The following WLS variants were observed in gnomAD, a reference collection of about 807,000 sequenced individuals.
WLS encodes the protein Wnt ligand secretion mediator.
WLS carries 23 observed loss-of-function variants against 62.8 expected under a neutral mutation model. That is an observed-to-expected ratio of 0.37 (90% confidence interval 0.26 to 0.52). The LOEUF is 0.52. Among genes scored for constraint, WLS ranks in the 20% least tolerant of loss-of-function variants. The pLI, the probability that WLS is intolerant of heterozygous loss-of-function variation, is 0.92. For missense variants in WLS, 615 were observed against 697.3 expected (o/e 0.88, Z 1.33); for synonymous variants, 246 against 244.1 (o/e 1.01, Z -0.07).
chr1:68,110,007 T>TAAAAAAAAAAAAAAAAAAA (rs11290966), intron 11 of WLS, among the ~76,000 whole-genome samples: 14 of 28,398 alleles, frequency 4.9e-4, no homozygotes, highest in African/African-American at 9.7e-4. Context: ...ACACAAAAAG[T>TAAAAAAAAAAAAAAAAAAA]AAAAAAAAAA....
chr1:68,166,076 TG>T (rs938251553), intron 2 of WLS, among the ~76,000 whole-genome samples: 6 of 152,150 alleles, frequency 3.9e-5, no homozygotes, highest in Non-Finnish European at 8.8e-5. Context: ...AAATGAAAAT[TG>T]TGCACAGTAT....
At chr1:68,159,861 G>A (rs1646948560) in intron 2 of WLS, among the ~76,000 whole-genome samples, 2 of 152,162 alleles carry the variant, frequency 1.3e-5, no homozygotes, top group Non-Finnish European at 2.9e-5. Flanking sequence ...AAGGCAAAGT[G>A]TTTTTCCAAA....
chr1:68,133,754 C>T (rs887308486), intron 11 of WLS, among the ~76,000 whole-genome samples: 16 of 152,226 alleles, frequency 1.1e-4, no homozygotes, highest in South Asian at 2.1e-4. Flanking sequence ...GTGAAATGCT[C>T]AATGATTCCA....
chr1:68,185,379 T>A (rs1468729510), intron 2 of WLS, among the ~76,000 whole-genome samples: 3 of 152,160 alleles, frequency 2.0e-5, no homozygotes, highest in Admixed American at 2.0e-4. Flanking sequence ...AAAAGATTGA[T>A]AGGGTAAGGC....
chr1:68,224,237 C>T (rs1219303557), intron 1 of WLS, among the ~76,000 whole-genome samples: 1 of 152,040 alleles, frequency 6.6e-6, no homozygotes, highest in Non-Finnish European at 1.5e-5. Context: ...ACTTGAAGGC[C>T]CAGGATTTAA....
At chr1:68,107,150 T>C (rs574944405) in intron 11 of WLS, among the ~76,000 whole-genome samples, 5 of 152,350 alleles carry the variant, frequency 3.3e-5, no homozygotes, top group African/African-American at 9.6e-5. Flanking sequence ...ATGCATACTA[T>C]ATTTTTAGTC....
intron 2 of WLS, among the ~76,000 whole-genome samples, chr1:68,170,629 C>T (rs934660367): frequency 3.9e-5 from 6 of 152,148 alleles, no homozygotes; most frequent in African/African-American, 7.2e-5. Context: ...CATCCCCGCT[C>T]GTGCCAGACT....
At chr1:68,148,398 C>G (rs1015279100) in intron 7 of WLS, among the ~76,000 whole-genome samples, 165 bp downstream of exon 7, 14 of 152,182 alleles carry the variant, frequency 9.2e-5, no homozygotes, top group African/African-American at 3.1e-4. Flanking sequence ...AAGAGCTGTG[C>G]CTTTGATTTG....
intron 11 of WLS, among the ~76,000 whole-genome samples, chr1:68,130,328 A>G (rs2100394918): frequency 6.6e-6 from 1 of 152,276 alleles, no homozygotes; most frequent in African/African-American, 2.4e-5. Context: ...ACCACTACCA[A>G]TGCAAATTAA....
intron 11 of WLS, among the ~76,000 whole-genome samples, chr1:68,118,826 G>A (rs562975281): frequency 1.8e-4 from 22 of 125,596 alleles, no homozygotes; most frequent in South Asian, 5.3e-4. Context: ...GTAGTGAGCC[G>A]AGATCACGCC....
intron 11 of WLS, among the ~76,000 whole-genome samples, chr1:68,109,637 T>A (rs912126457): frequency 4.6e-5 from 7 of 152,182 alleles, no homozygotes; most frequent in African/African-American, 1.2e-4. Flanking sequence ...GAGGAAAGAA[T>A]TAGTGAAGTG....
chr1:68,182,478 C>G (rs1647643364), intron 2 of WLS, among the ~76,000 whole-genome samples: 1 of 152,226 alleles, frequency 6.6e-6, no homozygotes, highest in Non-Finnish European at 1.5e-5. Context: ...CTAATCTTCT[C>G]TATCCTGGGG....
intron 1 of WLS, among the ~76,000 whole-genome samples, chr1:68,206,564 C>T (rs1649288913): frequency 6.6e-6 from 1 of 152,164 alleles, no homozygotes; most frequent in African/African-American, 2.4e-5. Context: ...TATGGGCATT[C>T]TTCATATATA....
At chr1:68,199,559 T>C (rs1648884999) in intron 1 of WLS, among the ~76,000 whole-genome samples, 1 of 152,084 alleles carries the variant, frequency 6.6e-6, no homozygotes, top group East Asian at 1.9e-4. Flanking sequence ...TGCTTGAATA[T>C]TAAAAATTAA....
intron 2 of WLS, among the ~76,000 whole-genome samples, chr1:68,184,937 AC>A (rs1647826111): frequency 6.6e-6 from 1 of 152,174 alleles, no homozygotes; most frequent in Non-Finnish European, 1.5e-5. Flanking sequence ...GGAAAAACAA[AC>A]AAACAAGCAA....
intron 2 of WLS, among the ~76,000 whole-genome samples, chr1:68,193,436 A>T (rs966655255): frequency 7.6e-6 from 1 of 131,062 alleles, no homozygotes; most frequent in African/African-American, 3.0e-5. Flanking sequence ...AAAAAAAAAA[A>T]AAAAAACGAA....
chr1:68,168,599 T>C (rs1389699455), intron 2 of WLS, among the ~76,000 whole-genome samples: 1 of 152,214 alleles, frequency 6.6e-6, no homozygotes, highest in Non-Finnish European at 1.5e-5. Flanking sequence ...TTTATGGTTG[T>C]CAAAAGCTTT....
At chr1:68,193,432 A>AAAAAAAAAAAAAG in intron 2 of WLS, among the ~76,000 whole-genome samples, 1 of 141,134 alleles carries the variant, frequency 7.1e-6, no homozygotes, top group Non-Finnish European at 1.5e-5. Context: ...AAAAAAAAAA[A>AAAAAAAAAAAAAG]AAAAAAAAAA....
At chr1:68,211,678 A>C (rs1649522337) in intron 1 of WLS, among the ~76,000 whole-genome samples, 1 of 152,224 alleles carries the variant, frequency 6.6e-6, no homozygotes, top group South Asian at 2.1e-4. Flanking sequence ...TAAACTCACC[A>C]AAACCCCTAA....
Sources: gnomAD v4.1 joint callset for allele counts (sites outside exome capture counted in the v4.1 genomes callset) on GRCh38, gnomAD v4.1.1 for gene constraint, MANE v1.5 for transcripts, NCBI Gene and HGNC (gene_info 2026-07-23, HGNC 2026-07-21) for gene names.